Variants in TTC7B observed in about 807,000 individuals in gnomAD.
TTC7B encodes tetratricopeptide repeat domain 7B, also known as tetratricopeptide repeat protein 7B.
A neutral mutation model predicts 106.8 loss-of-function variants in TTC7B; 28 were observed. The ratio of observed to expected loss-of-function variants is 0.26; its 90% CI spans 0.19 to 0.36. The LOEUF is 0.36. TTC7B is among the 10% of genes least tolerant of loss of function. The probability of loss-of-function intolerance (pLI) is 1.00; values close to 1 mark genes in which losing one functional copy is unlikely to be tolerated. For synonymous variants in TTC7B, 405 were observed against 430.6 expected, an observed-to-expected ratio of 0.94 and a Z score of 0.74; for missense variants, 862 against 1,076.4, an observed-to-expected ratio of 0.80 and a Z score of 2.79.
At chr14:90,699,767 C>T (rs894346371) in intron 5 of TTC7B, among the ~76,000 whole-genome samples, 3 of 152,222 alleles carry the variant, frequency 2.0e-5, no homozygotes, top group African/African-American at 7.2e-5. Flanking sequence ...TAGGTTACTT[C>T]CACAATGACT....
At chr14:90,549,056 A>G (rs1216333088) in intron 19 of TTC7B, among the ~76,000 whole-genome samples, 1 of 150,122 alleles carries the variant, frequency 6.7e-6, no homozygotes, top group African/African-American at 2.5e-5. Context: ...TGAACCCAGG[A>G]GGTGGAGCTT....
intron 18 of TTC7B, among the ~76,000 whole-genome samples, chr14:90,586,051 G>A (rs1278384079): frequency 6.6e-6 from 1 of 152,202 alleles, no homozygotes; most frequent in Non-Finnish European, 1.5e-5. Context: ...TTTAATAGAA[G>A]ACATAGAGGC....
chr14:90,709,108 C>G (rs28885515), intron 5 of TTC7B, among the ~76,000 whole-genome samples: 3,538 of 152,150 alleles, frequency 0.023, 123 homozygotes, highest in African/African-American at 0.082. Flanking sequence ...CTAGTTCAAC[C>G]ATTGTGGAAG....
chr14:90,697,036 G>C (rs1887780886), intron 5 of TTC7B, among the ~76,000 whole-genome samples: 1 of 152,210 alleles, frequency 6.6e-6, no homozygotes, highest in Non-Finnish European at 1.5e-5. Flanking sequence ...GGATATGGTA[G>C]TCTAACTTTG....
Position 90,742,526 on chromosome 14 carries a change from G to T in TTC7B, c.576+2266C>A, listed in dbSNP as rs1030599737. 1.2e-4 allele frequency among the ~76,000 whole-genome samples: 18 copies of T among 152,074 alleles called. No homozygotes were observed. The highest frequency in any genetic ancestry group is 4.1e-4 in the African/African-American group (17 of 41,350). ...AAGTAAGAGTGTGGAGAAATGTCAT[G>T]CTTTTTCTTTGTTTGCAGCAGCCTG... On this transcript the variant is annotated intron_variant, in intron 4 of 19. Transcript: ENST00000328459. The surrounding 1 kb of genome is among the most constrained non-coding windows in gnomAD (Gnocchi z 4.1).
chr14:90,588,904 A>AC (rs1178144081), intron 18 of TTC7B, among the ~76,000 whole-genome samples: 9,144 of 148,884 alleles, frequency 0.061, 903 homozygotes, highest in African/African-American at 0.22. Context: ...AAAAAAAAAA[A>AC]AACCCTTGGA....
rs1299016021 is a variant in TTC7B at position 90,540,519 on chromosome 14, CA to C, written c.*848del. 1 of 153,674 alleles carries C rather than the reference CA, an allele frequency of 6.5e-6. No homozygotes were observed. Among genetic ancestry groups the C allele is most frequent in the East Asian group, 1.9e-4 (1 of 5,200 alleles). 9.5% of individuals were successfully genotyped at this position (153,674 alleles called of 1,614,324 possible). On this transcript the variant is annotated 3_prime_UTR_variant, in exon 20 of 20. Transcript: ENST00000328459. ...TCCAGAGTGGGCCCCCAGGTACAGA[CA>C]GCTCCCCACCCCAGGAACTAAGCCT... is the stretch of plus-strand genomic sequence containing the variant.
chr14:90,722,373 G>C (rs1050925593), intron 5 of TTC7B, among the ~76,000 whole-genome samples: 2 of 152,112 alleles, frequency 1.3e-5, no homozygotes, highest in African/African-American at 4.8e-5. Context: ...AATGGGGGAC[G>C]TGGCTCTGGT....
intron 15 of TTC7B, among the ~76,000 whole-genome samples, chr14:90,635,022 T>A (rs1884871643): frequency 6.6e-6 from 1 of 152,196 alleles, no homozygotes; most frequent in Non-Finnish European, 1.5e-5. Flanking sequence ...AATAGTTGAC[T>A]TCTTAACAAC....
intron 15 of TTC7B, among the ~76,000 whole-genome samples, chr14:90,625,988 C>T (rs191097990): frequency 4.1e-4 from 62 of 152,288 alleles, no homozygotes; most frequent in African/African-American, 1.5e-3. Flanking sequence ...TCAGAATCCC[C>T]TGGGAGCTTG....
intron 1 of TTC7B, among the ~76,000 whole-genome samples, chr14:90,804,372 G>T (rs1200592411): frequency 6.6e-6 from 1 of 152,040 alleles, no homozygotes; most frequent in African/African-American, 2.4e-5. Context: ...AAGAGCTGAA[G>T]CCTCGAGGCT....
In TTC7B at chr14:90,693,811, T is replaced by C. The variant is rs187830566; in HGVS notation, c.777+1689A>G. Among the ~76,000 whole-genome samples, 215 of 152,262 alleles carry C rather than the reference T, an allele frequency of 1.4e-3. 2 individuals carry two copies. Among genetic ancestry groups the C allele is most frequent in the Non-Finnish European group, 2.9e-4 (20 of 68,024 alleles). ...GAAAACAGTCTGGCAGCACCTCAAA[T>C]TGTTAAACACAGTTACCATATGACC... On this transcript the variant is annotated intron_variant, in intron 6 of 19. Transcript: ENST00000328459.
At chr14:90,542,703 T>C (rs572246563) in intron 19 of TTC7B, among the ~76,000 whole-genome samples, 2 of 138,366 alleles carry the variant, frequency 1.4e-5, no homozygotes, top group African/African-American at 2.7e-5. Flanking sequence ...ACACAGTCTA[T>C]GTATAAACAG....
At chr14:90,761,987 A>G (rs1890517729) in intron 3 of TTC7B, among the ~76,000 whole-genome samples, 1 of 152,204 alleles carries the variant, frequency 6.6e-6, no homozygotes, top group Admixed American at 6.5e-5. Flanking sequence ...GAATGTATGG[A>G]ATTGTCTGCA....
chr14:90,809,867 G>T (rs2140064784), intron 1 of TTC7B, among the ~76,000 whole-genome samples: 1 of 152,300 alleles, frequency 6.6e-6, no homozygotes, highest in South Asian at 2.1e-4. Context: ...TGGGAGATGG[G>T]AGTGGATAAC....
intron 1 of TTC7B, among the ~76,000 whole-genome samples, chr14:90,810,641 C>T (rs1285076363): frequency 1.3e-5 from 2 of 152,240 alleles, no homozygotes; most frequent in Non-Finnish European, 2.9e-5. Context: ...GAGGCCTGCT[C>T]ACCCAACCAC....
In TTC7B at chr14:90,785,514, C is replaced by T. The variant is rs191165376; in HGVS notation, c.276+660G>A. ...CCACCTGGGAGGCAGAAGGGCAGGG[C>T]GGGAAGAGGAGATGACCCCCATGAA... On this transcript the variant is annotated intron_variant, in intron 2 of 19. Transcript: ENST00000328459. Among the ~76,000 whole-genome samples, 61 of 151,716 alleles carry T rather than the reference C, an allele frequency of 4.0e-4. 3 individuals are homozygous for T. In the South Asian group the frequency reaches 9.4e-3, roughly 23 times the overall value.
chr14:90,659,296 T>G (rs1275015214), intron 9 of TTC7B, among the ~76,000 whole-genome samples: 1 of 75,570 alleles, frequency 1.3e-5, no homozygotes, highest in East Asian at 6.9e-4. Context: ...AGGGGAGGTG[T>G]TTTTTTTTAG....
chr14:90,640,909 C>G (rs1885143122), intron 15 of TTC7B, among the ~76,000 whole-genome samples: 1 of 152,144 alleles, frequency 6.6e-6, no homozygotes, highest in African/African-American at 2.4e-5. Context: ...CAACTTGTCC[C>G]ATTGTAAGAC....
Sources: gnomAD v4.1 joint callset for allele counts (sites outside exome capture counted in the v4.1 genomes callset) on GRCh38, gnomAD v4.1.1 for gene constraint, Gnocchi (gnomAD v3.1) non-coding constraint, MANE v1.5 for transcripts, NCBI Gene and HGNC (gene_info 2026-07-23, HGNC 2026-07-21) for gene names.